Variants in PFKL observed in about 807,000 individuals in gnomAD.
PFKL encodes the protein ATP-dependent 6-phosphofructokinase, liver type.
A neutral mutation model predicts 92.1 loss-of-function variants in PFKL; 74 were observed. That is an observed-to-expected ratio of 0.80 (90% CI 0.67 to 0.97). The LOEUF is 0.97. PFKL is among the 50% of genes least tolerant of loss of function. The pLI is 0.00. For synonymous variants in PFKL, 494 were observed against 456.4 expected, an observed-to-expected ratio of 1.08 and a Z score of -1.05; for missense variants, 1,028 against 1,116.6, an observed-to-expected ratio of 0.92 and a Z score of 1.13.
At chr21:44,300,306 C>T (rs1437011074) in intron 1 of PFKL, 116 bp downstream of exon 1, 2 of 321,198 alleles carry the variant, frequency 6.2e-6, no homozygotes, top group Non-Finnish European at 8.9e-6. Context: ...CCCGGCCTCC[C>T]GCCCCGGCCT....
At chr21:44,316,886 C>T (rs2047223744) in intron 9 of PFKL, among the ~76,000 whole-genome samples, 1 of 152,206 alleles carries the variant, frequency 6.6e-6, no homozygotes, top group African/African-American at 2.4e-5. Flanking sequence ...CCCCACCAGC[C>T]TGTGCCTCCT....
chr21:44,300,801 G>T, intron 1 of PFKL, among the ~76,000 whole-genome samples: 1 of 152,234 alleles, frequency 6.6e-6, no homozygotes, highest in East Asian at 1.9e-4. Context: ...AGGTGGTGGG[G>T]ACTGGGACTT....
In PFKL at chr21:44,322,198, C is replaced by T. The variant is rs747736026; in HGVS notation, c.1404C>T (p.Thr468=). 1 of 1,601,498 alleles carries T rather than the reference C, an allele frequency of 6.2e-7. No homozygotes were observed. Among genetic ancestry groups the T allele is most frequent in the Non-Finnish European group, 8.5e-7 (1 of 1,177,568 alleles). Residue 468 remains threonine, a synonymous_variant, in exon 14 of 22, where the codon ACC becomes ACT. Transcript: ENST00000349048. ...GGCGTGGTGGCTCCATGCTGGGGAC[C>T]AAGAGGTGAGCTGCCTGCTGCGGGT... ...WLGRGGSMLG[T]KRTLPKGQLE... is the part of the protein sequence containing the mutation.
intron 14 of PFKL, among the ~76,000 whole-genome samples, chr21:44,322,451 C>T (rs945330821): frequency 2.0e-5 from 3 of 152,180 alleles, no homozygotes; most frequent in Non-Finnish European, 4.4e-5. Flanking sequence ...AGGAAGCTGG[C>T]GAGCGTCTGT....
intron 2 of PFKL, chr21:44,307,448 C>T (rs950224101): frequency 7.4e-6 from 2 of 269,340 alleles, no homozygotes; most frequent in African/African-American, 2.3e-5. Context: ...TTCCACATTC[C>T]ACAAGACAAG....
intron 9 of PFKL, among the ~76,000 whole-genome samples, chr21:44,316,763 G>A (rs969103763): frequency 1.3e-5 from 2 of 151,998 alleles, no homozygotes; most frequent in Non-Finnish European, 2.9e-5. Flanking sequence ...GTGTCAGTGT[G>A]GGTGTGTGTG....
In PFKL at chr21:44,324,869, A is replaced by C. The variant is rs1193480106; in HGVS notation, c.1829A>C (p.His610Pro). 1 of 1,608,472 alleles carries C rather than the reference A, an allele frequency of 6.2e-7. No homozygotes were observed. Among genetic ancestry groups the C allele is most frequent in the Non-Finnish European group, 8.5e-7 (1 of 1,177,686 alleles). Residue 610 changes from histidine (H) to proline (P), a missense_variant, in exon 18 of 22, where the codon CAC becomes CCC. By Grantham distance (77) the His-to-Pro change is moderately conservative (BLOSUM62 -2). Transcript: ENST00000349048. The stretch of plus-strand genomic sequence containing the variant: ...CCCCTCCCGCAGGTCAACGTGGAGC[A>C]CATGACGGAGAAGATGAAGACAGAC... Reference protein sequence around the residue: ...NIHDLKVNVEHMTEKMKTDIQ... With the variant: ...NIHDLKVNVEPMTEKMKTDIQ...
At chr21:44,307,622 C>T (rs541446998) in intron 2 of PFKL, among the ~76,000 whole-genome samples, 7 of 152,224 alleles carry the variant, frequency 4.6e-5, no homozygotes, top group Admixed American at 3.3e-4. Context: ...CCCATCTTGG[C>T]CCCAGGGAAC....
intron 1 of PFKL, among the ~76,000 whole-genome samples, chr21:44,304,886 G>A (rs1345983121): frequency 6.6e-6 from 1 of 152,060 alleles, no homozygotes; most frequent in Admixed American, 6.6e-5. Flanking sequence ...ATGTGGGGAT[G>A]TGAGGGAGGC....
At chr21:44,310,090 C>T (rs1038128419) in intron 2 of PFKL, among the ~76,000 whole-genome samples, 8 of 152,234 alleles carry the variant, frequency 5.3e-5, no homozygotes, top group South Asian at 2.1e-4. Flanking sequence ...CCTCACCTCA[C>T]GGCCTGGAGA....
rs145437214 is a variant in PFKL, at chr21:44,323,374, C to T, written c.1497+325C>T. ...GGAAGGGGACTCGGAAGCTGGAGGA[C>T]GAGAAAGAAGGGAGGCGGAGGAGGC... On this transcript the variant is annotated intron_variant, in intron 15 of 21. Coordinates refer to ENST00000349048, the MANE Select transcript of PFKL (RefSeq NM_002626.6). Among the ~76,000 whole-genome samples the T allele has an allele frequency of 8.5e-5, 13 of 152,238 alleles. No homozygotes were observed. The East Asian group carries it at 1.3e-3, about 16-fold the overall frequency.
At chr21:44,318,949 G>C (rs776028868) in intron 10 of PFKL, among the ~76,000 whole-genome samples, 42 of 152,168 alleles carry the variant, frequency 2.8e-4, no homozygotes, top group Non-Finnish European at 5.1e-4. Context: ...CCTGGGAGGA[G>C]CTCAGGCAGG....
chr21:44,305,113 C>T, intron 1 of PFKL: 3 of 599,118 alleles, frequency 5.0e-6, no homozygotes, highest in Non-Finnish European at 7.5e-6. Flanking sequence ...CTGGGTGAGT[C>T]CTGGCTCTGC....
intron 21 of PFKL, 86 bp from the exon 22 acceptor site, chr21:44,326,629 G>C (rs1027773358): frequency 7.7e-7 from 1 of 1,292,180 alleles, no homozygotes; most frequent in Admixed American, 2.2e-5. Context: ...CTGCAGGGTC[G>C]GGGGGGGTGG....
rs761739900 is a variant in PFKL at position 44,305,776 on chromosome 21, T to A, written c.86-905T>A. On this transcript the variant is annotated intron_variant, in intron 1 of 21. Coordinates refer to ENST00000349048, the MANE Select transcript of PFKL (RefSeq NM_002626.6). Reference sequence around the variant, plus strand: ...GCACCAGCGTTTCCTGAGTGCCGCCTCCCCCGTTAATGTCCCTCTCCAGGA... The same window carrying A: ...GCACCAGCGTTTCCTGAGTGCCGCCACCCCCGTTAATGTCCCTCTCCAGGA... The A allele has an allele frequency of 1.5e-5, 20 of 1,365,576 alleles. No homozygotes were observed. The Middle Eastern group carries it at 2.1e-3, about 146-fold the overall frequency. 84.6% of individuals were successfully genotyped at this position (1,365,576 alleles called of 1,614,324 possible). A position where few individuals can be genotyped will look rare whatever the true frequency, so the allele number is the denominator to read the frequency against.
intron 1 of PFKL, among the ~76,000 whole-genome samples, chr21:44,300,960 C>T (rs1749752349): frequency 2.6e-5 from 4 of 152,188 alleles, no homozygotes; most frequent in Admixed American, 2.6e-4. Context: ...ACCTACCCTA[C>T]CCCTCAGGAG....
rs374183792 is a variant in PFKL at position 44,326,054 on chromosome 21, C to T, written c.2083C>T (p.Arg695Cys). 27 of 1,613,328 alleles carry T rather than the reference C, an allele frequency of 1.7e-5. No homozygotes were observed. Among genetic ancestry groups the T allele is most frequent in the South Asian group, 3.3e-5 (3 of 91,056 alleles). The change falls in exon 20 of 22, where the codon CGC becomes TGC. Residue 695 changes from arginine to cysteine, a missense_variant. Arg to Cys is a radical substitution (Grantham distance 180). Transcript: ENST00000349048. ...WLSEKLREVY[R>C]KGRVFANAPD... The stretch of plus-strand genomic sequence containing the variant: ...GTCGGAGAAGCTGCGCGAGGTTTAC[C>T]GCAAGGGTAGGTGGTGGGTGCGACC...
At chr21:44,304,369 G>A (rs1390130650) in intron 1 of PFKL, 1 of 1,278,404 alleles carries the variant, frequency 7.8e-7, no homozygotes, top group Admixed American at 2.4e-5. Flanking sequence ...GAGCTGGGGA[G>A]ACCAGAGAGG....
At chr21:44,312,918 C>T in intron 4 of PFKL, 60 bp from the exon 5 acceptor site, 2 of 1,574,308 alleles carry the variant, frequency 1.3e-6, no homozygotes, top group Non-Finnish European at 1.7e-6. Flanking sequence ...AGAGGGGTCT[C>T]TGGCCCTGTG....
Sources: allele counts gnomAD v4.1 joint callset (sites outside exome capture counted in the v4.1 genomes callset), GRCh38; gene constraint gnomAD v4.1.1; transcripts MANE v1.5; gene names NCBI Gene and HGNC (gene_info 2026-07-23, HGNC 2026-07-21).